Variants in LYZL4 observed in about 807,000 individuals in gnomAD.
The protein encoded by LYZL4 is lysozyme like 4.
Under a neutral mutation model 17.6 loss-of-function variants are expected in LYZL4, and 13 were observed. The observed-to-expected ratio is 0.74, with a 90% CI of 0.48 to 1.18. The LOEUF is 1.18. Among genes scored for constraint, LYZL4 ranks in the 50% most tolerant of loss-of-function variants. The pLI, the probability that LYZL4 is intolerant of heterozygous loss-of-function variation, is 0.00. For missense variants in LYZL4, 174 were observed against 188.2 expected, an observed-to-expected ratio of 0.92 and a Z score of 0.44; for synonymous variants, 64 against 67.7, an observed-to-expected ratio of 0.95 and a Z score of 0.27.
chr3:42,390,734 G>A, the LYZL4 span, among the ~76,000 whole-genome samples: 1 of 152,152 alleles, frequency 6.6e-6, no homozygotes, highest in Non-Finnish European at 1.5e-5. Context: ...GCATAGCATA[G>A]GTTAATTGCA....
chr3:42,370,267 C>T, the LYZL4 span, among the ~76,000 whole-genome samples: 293 of 152,038 alleles, frequency 1.9e-3, no homozygotes, highest in African/African-American at 6.4e-3. Flanking sequence ...AACCCCACCC[C>T]CTTCCCACAC....
At chr3:42,367,621 G>C in the LYZL4 span, among the ~76,000 whole-genome samples, 1 of 152,120 alleles carries the variant, frequency 6.6e-6, no homozygotes, top group Non-Finnish European at 1.5e-5. Flanking sequence ...CTGTAGCTGG[G>C]GAATAGGCAG....
At chr3:42,364,809 A>G in the LYZL4 span, among the ~76,000 whole-genome samples, 1 of 152,130 alleles carries the variant, frequency 6.6e-6, no homozygotes, top group Non-Finnish European at 1.5e-5. Context: ...GACAAGAACC[A>G]TGGGTAACTG....
At chr3:42,363,808 T>G in the LYZL4 span, among the ~76,000 whole-genome samples, 6 of 152,216 alleles carry the variant, frequency 3.9e-5, no homozygotes, top group African/African-American at 1.4e-4. Context: ...AATCATCAGA[T>G]GAATGGTTGA....
chr3:42,404,038 A>T lies in LYZL4; in HGVS notation c.371+8T>A, dbSNP rs1443130748. The T allele has an allele frequency of 5.0e-6, 8 of 1,586,424 alleles. No individual in the cohort carries two copies. Among genetic ancestry groups the T allele is most frequent in the Non-Finnish European group, 6.9e-6 (8 of 1,155,808 alleles). On this transcript the variant is annotated splice_region_variant and intron_variant, in intron 4 of 4. Transcript: ENST00000287748. ...TTAATACAGGCTACATAAAAATGTA[A>T]GACTTACCATGCTCCCATCCCTTCT...
chr3:42,402,421 C>T (rs1440317083), intron 4 of LYZL4, among the ~76,000 whole-genome samples: 1 of 151,266 alleles, frequency 6.6e-6, no homozygotes, highest in South Asian at 2.1e-4. Context: ...AAACTTTATC[C>T]AGAATATATA....
the LYZL4 span, among the ~76,000 whole-genome samples, chr3:42,373,494 C>T: frequency 6.6e-6 from 1 of 152,184 alleles, no homozygotes; most frequent in Non-Finnish European, 1.5e-5. Flanking sequence ...CACACCCTTA[C>T]CCAGCTCTTA....
chr3:42,391,829 A>T, the LYZL4 span, among the ~76,000 whole-genome samples: 17 of 152,204 alleles, frequency 1.1e-4, no homozygotes, highest in Non-Finnish European at 2.4e-4. Flanking sequence ...TGGTGTAAGC[A>T]ATCAAGCAGG....
At chr3:42,364,213 T>C in the LYZL4 span, among the ~76,000 whole-genome samples, 79 of 152,344 alleles carry the variant, frequency 5.2e-4, no homozygotes, top group African/African-American at 1.8e-3. Context: ...AGAACATTGC[T>C]GCAGAATATA....
intron 1 of LYZL4, among the ~76,000 whole-genome samples, chr3:42,410,184 G>A (rs1698838266): frequency 6.6e-6 from 1 of 152,166 alleles, no homozygotes; most frequent in Non-Finnish European, 1.5e-5. Flanking sequence ...TAAGCACCAG[G>A]AATGCAGAAA....
the LYZL4 span, among the ~76,000 whole-genome samples, chr3:42,390,646 C>G: frequency 1.3e-5 from 2 of 151,850 alleles, no homozygotes; most frequent in Admixed American, 6.6e-5. Flanking sequence ...TTTATATTTA[C>G]TGGAATATGT....
intron 4 of LYZL4, among the ~76,000 whole-genome samples, chr3:42,402,124 T>C (rs1442498552): frequency 7.2e-6 from 1 of 138,378 alleles, no homozygotes; most frequent in Non-Finnish European, 1.5e-5. Flanking sequence ...ATCAAGACAC[T>C]CTTGAGAAGG....
downstream of LYZL4, among the ~76,000 whole-genome samples, chr3:42,394,842 C>T (rs756106547): frequency 8.5e-5 from 13 of 152,188 alleles, no homozygotes; most frequent in South Asian, 2.1e-4. Context: ...GAGGCGGCAG[C>T]GCGCTGGATT....
intron 3 of LYZL4, among the ~76,000 whole-genome samples, 162 bp downstream of exon 3, chr3:42,406,684 A>G (rs144805814): frequency 3.2e-4 from 49 of 152,180 alleles, no homozygotes; most frequent in South Asian, 1.5e-3. Flanking sequence ...CTGTACCCCC[A>G]GCAGTGCAAT....
the LYZL4 span, among the ~76,000 whole-genome samples, chr3:42,367,133 G>C: frequency 6.6e-6 from 1 of 152,126 alleles, no homozygotes; most frequent in Admixed American, 6.5e-5. Flanking sequence ...CCTAAGCCCA[G>C]GGCTGAAGCA....
intron 1 of LYZL4, among the ~76,000 whole-genome samples, chr3:42,409,328 G>T (rs114195095): frequency 6.6e-6 from 1 of 152,198 alleles, no homozygotes; most frequent in Non-Finnish European, 1.5e-5. Flanking sequence ...CTTAGCTCTG[G>T]TTGCACCCCT....
chr3:42,388,930 A>T, the LYZL4 span, among the ~76,000 whole-genome samples: 2 of 152,210 alleles, frequency 1.3e-5, no homozygotes, highest in Non-Finnish European at 2.9e-5. Flanking sequence ...GCTGCGAGGC[A>T]TTGGAGAGCC....
chr3:42,410,444 C>T lies in LYZL4; in HGVS notation c.-120G>A, dbSNP rs1698842081. The T allele has an allele frequency of 6.6e-6, 1 of 152,240 alleles. No homozygotes were observed. The highest frequency in any genetic ancestry group is 1.5e-5 in the Non-Finnish European group (1 of 68,050). The allele number at this position is 152,240 out of a possible 1,614,324, so 9.4% of individuals were successfully genotyped here. A position where few individuals can be genotyped will look rare whatever the true frequency, so the allele number is the denominator to read the frequency against. On this transcript the variant is annotated 5_prime_UTR_variant, in exon 1 of 5. Transcript: ENST00000287748. Reference sequence around the variant, plus strand: ...GTCCACCAGCCCTTCCAAAGGCTGGCTTTTGGTGCCTTTCCAAGGGGAGGG... The same window carrying T: ...GTCCACCAGCCCTTCCAAAGGCTGGTTTTTGGTGCCTTTCCAAGGGGAGGG...
downstream of LYZL4, among the ~76,000 whole-genome samples, chr3:42,392,284 G>A (rs944501052): frequency 1.1e-4 from 16 of 152,172 alleles, no homozygotes; most frequent in African/African-American, 3.9e-4. Context: ...GAGTGTGGGG[G>A]TAGACAGATG....
Sources: gnomAD v4.1 joint callset for allele counts (sites outside exome capture counted in the v4.1 genomes callset) on GRCh38, gnomAD v4.1.1 for gene constraint, MANE v1.5 for transcripts, NCBI Gene and HGNC (gene_info 2026-07-23, HGNC 2026-07-21) for gene names.